EFNA5: variants seen among roughly 807,000 people sequenced by gnomAD.
EFNA5 encodes ephrin-A5.
Under a neutral mutation model 22.9 loss-of-function variants are expected in EFNA5, and 5 were observed. The ratio of observed to expected loss-of-function variants is 0.22; its 90% CI spans 0.11 to 0.46. EFNA5 has a LOEUF of 0.46. Ranked by LOEUF, EFNA5 falls within the 20% of genes least tolerant of loss-of-function variation. EFNA5 has a pLI of 0.99. For missense variants in EFNA5, 237 were observed against 293.3 expected (o/e 0.81, Z 1.40); for synonymous variants, 113 against 112.2 (o/e 1.01, Z -0.04).
intron 2 of EFNA5, among the ~76,000 whole-genome samples, chr5:107,412,336 T>C (rs1748390016): frequency 6.6e-6 from 1 of 152,188 alleles, no homozygotes; most frequent in Non-Finnish European, 1.5e-5. Flanking sequence ...AAACCATTAA[T>C]CTTTATCTAA....
intron 1 of EFNA5, among the ~76,000 whole-genome samples, chr5:107,577,029 A>T (rs1171423553): frequency 6.6e-6 from 1 of 152,196 alleles, no homozygotes; most frequent in African/African-American, 2.4e-5. Context: ...AATCTTAAGT[A>T]TCTATATTTC....
intron 1 of EFNA5, among the ~76,000 whole-genome samples, chr5:107,596,545 A>C (rs925949044): frequency 3.9e-5 from 6 of 152,128 alleles, no homozygotes; most frequent in Non-Finnish European, 1.5e-5. Context: ...TCCATCTCTT[A>C]GCTGTTGTGA....
chr5:107,569,026 T>C (rs938127578), intron 1 of EFNA5, among the ~76,000 whole-genome samples: 37 of 152,276 alleles, frequency 2.4e-4, no homozygotes, highest in Admixed American at 2.4e-3. Flanking sequence ...GCCAAGTCCT[T>C]TTCCTGAGCT....
At chr5:107,436,119 G>A (rs970125916) in intron 1 of EFNA5, among the ~76,000 whole-genome samples, 1 of 152,200 alleles carries the variant, frequency 6.6e-6, no homozygotes, top group African/African-American at 2.4e-5. Context: ...TACAAGTCAT[G>A]TCAGTCTGAA....
chr5:107,399,473 G>T (rs1748030145), intron 2 of EFNA5, among the ~76,000 whole-genome samples: 1 of 152,146 alleles, frequency 6.6e-6, no homozygotes, highest in African/African-American at 2.4e-5. Context: ...AAGATATGTA[G>T]AATTTAATCA....
intron 2 of EFNA5, among the ~76,000 whole-genome samples, chr5:107,396,638 G>A (rs1189187663): frequency 1.3e-5 from 2 of 151,670 alleles, no homozygotes; most frequent in African/African-American, 2.4e-5. Flanking sequence ...GTAATTAAGT[G>A]TGATCTTCTC....
chr5:107,479,886 T>C (rs554736798), intron 1 of EFNA5, among the ~76,000 whole-genome samples: 141 of 152,138 alleles, frequency 9.3e-4, no homozygotes, highest in African/African-American at 3.3e-3. Context: ...TATCTTAAAG[T>C]AATGGAAAAA....
chr5:107,670,422 G>A (rs1751167721), intron 1 of EFNA5, 67 bp downstream of exon 1: 5 of 1,485,182 alleles, frequency 3.4e-6, no homozygotes, highest in Middle Eastern at 2.1e-4. Flanking sequence ...GCCGATCCCC[G>A]CCGCCGCTCC....
intron 1 of EFNA5, among the ~76,000 whole-genome samples, chr5:107,520,413 G>A (rs1747570139): frequency 6.6e-6 from 1 of 152,176 alleles, no homozygotes; most frequent in Non-Finnish European, 1.5e-5. Context: ...GATAAGAAAT[G>A]AAAATGCTTT....
chr5:107,505,019 A>G (rs769866411), intron 1 of EFNA5, among the ~76,000 whole-genome samples: 7 of 152,158 alleles, frequency 4.6e-5, no homozygotes, highest in African/African-American at 7.2e-5. Flanking sequence ...TCTTTAATGC[A>G]ATTTGTTCTG....
At chr5:107,457,036 G>A (rs1422764992) in intron 1 of EFNA5, among the ~76,000 whole-genome samples, 3 of 152,008 alleles carry the variant, frequency 2.0e-5, no homozygotes, top group African/African-American at 4.8e-5. Flanking sequence ...TTTCCTCTTT[G>A]CCCAAGATTA....
chr5:107,517,747 C>T (rs977044911), intron 1 of EFNA5, among the ~76,000 whole-genome samples: 1 of 152,140 alleles, frequency 6.6e-6, no homozygotes, highest in African/African-American at 2.4e-5. Flanking sequence ...ACAAACGAAG[C>T]AGGCTACGTA....
intron 1 of EFNA5, among the ~76,000 whole-genome samples, chr5:107,519,713 A>T (rs1747555918): frequency 6.6e-6 from 1 of 152,250 alleles, no homozygotes; most frequent in Non-Finnish European, 1.5e-5. Flanking sequence ...CCTGAACACC[A>T]TGACTTAGTC....
At chr5:107,405,677 G>C (rs919185309) in intron 2 of EFNA5, among the ~76,000 whole-genome samples, 2 of 152,026 alleles carry the variant, frequency 1.3e-5, no homozygotes, top group African/African-American at 4.8e-5. Flanking sequence ...CAACAGTCCA[G>C]AGTGATCCTG....
chr5:107,561,334 A>T (rs1218876091), intron 1 of EFNA5, among the ~76,000 whole-genome samples: 1 of 152,208 alleles, frequency 6.6e-6, no homozygotes, highest in Non-Finnish European at 1.5e-5. Context: ...GAGCCATGTG[A>T]CAAGCACCTC....
At chr5:107,437,623 G>A (rs1418770791) in intron 1 of EFNA5, among the ~76,000 whole-genome samples, 1 of 152,086 alleles carries the variant, frequency 6.6e-6, no homozygotes, top group Admixed American at 6.6e-5. Flanking sequence ...TAGTAATGGT[G>A]TTTACTTGTC....
At chr5:107,640,157 C>G (rs1158778677) in intron 1 of EFNA5, among the ~76,000 whole-genome samples, 1 of 152,106 alleles carries the variant, frequency 6.6e-6, no homozygotes, top group Non-Finnish European at 1.5e-5. Flanking sequence ...CTGCATTTCC[C>G]AGACACACTG....
At chr5:107,644,858 T>A (rs187606358) in intron 1 of EFNA5, among the ~76,000 whole-genome samples, 1 of 152,234 alleles carries the variant, frequency 6.6e-6, no homozygotes, top group Admixed American at 6.5e-5. Flanking sequence ...TGTGCCACAA[T>A]ACCTGGCTAA....
intron 1 of EFNA5, among the ~76,000 whole-genome samples, chr5:107,610,544 G>A (rs1388072328): frequency 5.9e-5 from 9 of 152,074 alleles, no homozygotes. Context: ...AGACTACTTG[G>A]GGCCACTCTA....
Sources: gnomAD v4.1 joint callset for allele counts (sites outside exome capture counted in the v4.1 genomes callset) on GRCh38, gnomAD v4.1.1 for gene constraint, MANE v1.5 for transcripts, NCBI Gene and HGNC (gene_info 2026-07-23, HGNC 2026-07-21) for gene names.